DOCK1: variants seen among roughly 807,000 people sequenced by gnomAD.
The protein encoded by DOCK1 is dedicator of cytokinesis 1, also known as dedicator of cytokinesis protein 1.
Under a neutral mutation model 262.7 loss-of-function variants are expected in DOCK1, and 138 were observed. That is an observed-to-expected ratio of 0.53 (90% CI 0.46 to 0.61). The LOEUF (loss-of-function observed/expected upper bound fraction) is 0.61, where lower values mean the gene tolerates loss of function less well. Ranked by LOEUF, DOCK1 falls within the 20% of genes least tolerant of loss-of-function variation. DOCK1 has a pLI of 0.00. For synonymous variants in DOCK1, 866 were observed against 867.4 expected, an observed-to-expected ratio of 1.00 and a Z score of 0.03; for missense variants, 1,908 against 2,370.7, an observed-to-expected ratio of 0.80 and a Z score of 4.05.
At chr10:127,022,330 TTTTTA>T (rs1363268797) in intron 13 of DOCK1, among the ~76,000 whole-genome samples, 2 of 152,258 alleles carry the variant, frequency 1.3e-5, no homozygotes, top group East Asian at 1.9e-4. Context: ...TTTTTCTTTA[TTTTTA>T]TTTTATTTTA....
intron 25 of DOCK1, among the ~76,000 whole-genome samples, chr10:127,113,474 A>G (rs1461780544): frequency 6.6e-6 from 1 of 152,166 alleles, no homozygotes; most frequent in Non-Finnish European, 1.5e-5. Context: ...TCTCCGCCTG[A>G]TATAATGACA....
intron 2 of DOCK1, among the ~76,000 whole-genome samples, chr10:126,974,351 A>T (rs762779757): frequency 6.6e-6 from 1 of 151,438 alleles, no homozygotes; most frequent in Non-Finnish European, 1.5e-5. Context: ...AATTTATTCA[A>T]CTCTTTAAAA....
intron 23 of DOCK1, among the ~76,000 whole-genome samples, chr10:127,095,290 C>T (rs1190309652): frequency 2.6e-5 from 4 of 152,180 alleles, no homozygotes; most frequent in Non-Finnish European, 5.9e-5. Context: ...GTAGCCCTAT[C>T]CTGATGCCCT....
intron 1 of DOCK1, among the ~76,000 whole-genome samples, chr10:126,950,711 T>G (rs927091132): frequency 2.0e-5 from 3 of 152,154 alleles, no homozygotes; most frequent in Admixed American, 2.0e-4. Flanking sequence ...CTCCTGCTCT[T>G]TGCCTCAGAG....
chr10:127,186,507 G>GCC (rs1326283340), intron 27 of DOCK1, among the ~76,000 whole-genome samples: 473 of 5,902 alleles, frequency 0.08, 61 homozygotes, highest in African/African-American at 0.13. Flanking sequence ...GGGAGAAACC[G>GCC]CCCCCCCGCC....
chr10:127,318,300 G>A (rs1407826483), intron 29 of DOCK1, among the ~76,000 whole-genome samples: 4 of 152,216 alleles, frequency 2.6e-5, no homozygotes, highest in Non-Finnish European at 5.9e-5. Flanking sequence ...GAAGTTGGGG[G>A]TGGAGAGGAG....
intron 27 of DOCK1, among the ~76,000 whole-genome samples, chr10:127,179,371 TA>T (rs991061161): frequency 6.6e-6 from 1 of 152,298 alleles, no homozygotes; most frequent in Non-Finnish European, 1.5e-5. Flanking sequence ...TCGTTGTTAG[TA>T]AAAAAATGAT....
intron 51 of DOCK1, among the ~76,000 whole-genome samples, chr10:127,448,302 G>T (rs10765101): frequency 0.68 from 103,062 of 152,184 alleles, 36,940 homozygotes; most frequent in East Asian, 0.91. Flanking sequence ...AAAGTGCCTT[G>T]TGCCAAACAG....
chr10:127,102,764 C>T (rs1418123354), intron 23 of DOCK1, among the ~76,000 whole-genome samples: 3 of 152,078 alleles, frequency 2.0e-5, no homozygotes, highest in African/African-American at 7.2e-5. Context: ...CACGTGAACC[C>T]GGGGGGTGGA....
chr10:127,279,787 C>T lies in DOCK1; in HGVS notation c.3044+22358C>T, dbSNP rs1371224153. On this transcript the variant is annotated intron_variant, in intron 29 of 51. Coordinates refer to ENST00000623213, the MANE Select transcript of DOCK1 (RefSeq NM_001290223.2). The stretch of plus-strand genomic sequence containing the variant: ...GTTCAGTTCCCGAGGCTGGTGCCCT[C>T]GGCAAGAATGGGAGAGCCTGGTAAT... Among the ~76,000 whole-genome samples the T allele has an allele frequency of 2.6e-5, 4 of 152,094 alleles. No homozygotes were observed. In the South Asian group the frequency reaches 6.2e-4, roughly 24 times the overall value.
chr10:127,318,666 T>G (rs2062389466), intron 29 of DOCK1, among the ~76,000 whole-genome samples: 1 of 152,132 alleles, frequency 6.6e-6, no homozygotes, highest in Admixed American at 6.6e-5. Context: ...TGTAAGGTGT[T>G]TTGATTATGT....
chr10:127,208,791 T>C (rs1319690980), intron 27 of DOCK1, among the ~76,000 whole-genome samples: 1 of 152,214 alleles, frequency 6.6e-6, no homozygotes, highest in Admixed American at 6.5e-5. Flanking sequence ...ATATCTAACG[T>C]TGAGATGTTC....
At chr10:127,118,355 T>C (rs2049319446) in intron 25 of DOCK1, among the ~76,000 whole-genome samples, 1 of 152,214 alleles carries the variant, frequency 6.6e-6, no homozygotes, top group African/African-American at 2.4e-5. Flanking sequence ...TACTGATAAA[T>C]GGGACTCATT....
chr10:127,204,068 C>G (rs1477098534), intron 27 of DOCK1, among the ~76,000 whole-genome samples: 1 of 152,040 alleles, frequency 6.6e-6, no homozygotes, highest in East Asian at 1.9e-4. Context: ...TCTCGGCAGT[C>G]ACAGCTCCCT....
chr10:127,326,162 G>T (rs909728609), intron 29 of DOCK1, among the ~76,000 whole-genome samples: 2 of 152,202 alleles, frequency 1.3e-5, no homozygotes, highest in Non-Finnish European at 2.9e-5. Flanking sequence ...GTTGCTGAGG[G>T]CTGAGGTGGC....
intron 33 of DOCK1, among the ~76,000 whole-genome samples, chr10:127,368,756 G>A (rs1250530826): frequency 1.3e-5 from 2 of 151,884 alleles, no homozygotes; most frequent in East Asian, 1.9e-4. Context: ...CCCGTGGACC[G>A]CACTCCAAGT....
chr10:126,981,897 GTT>G lies in DOCK1; in HGVS notation c.172-12_172-11del, dbSNP rs150683957. The stretch of plus-strand genomic sequence containing the variant: ...AATCCTATTGATAATAAAAGCTACT[GTT>G]TTTTTTTTCCTCCCAAAGGGTATAT... On this transcript the variant is annotated intron_variant, in intron 3 of 51. Transcript: ENST00000623213. 7.1e-7 allele frequency: 1 copy of G among 1,410,838 alleles called. No individual in the cohort carries two copies. The highest frequency in any genetic ancestry group is 2.0e-5 in the Admixed American group (1 of 50,466). The allele number at this position is 1,410,838 out of a possible 1,614,324, so 87.4% of individuals were successfully genotyped here. A position where few individuals can be genotyped will look rare whatever the true frequency, so the allele number is the denominator to read the frequency against.
chr10:126,950,677 TG>T (rs1417948973), intron 1 of DOCK1, among the ~76,000 whole-genome samples: 1 of 152,028 alleles, frequency 6.6e-6, no homozygotes, highest in Non-Finnish European at 1.5e-5. Flanking sequence ...TGCCTGGAGG[TG>T]GGGCGGCAGC....
At chr10:127,093,432 A>C (rs73374772) in intron 23 of DOCK1, among the ~76,000 whole-genome samples, 9,145 of 150,722 alleles carry the variant, frequency 0.061, 734 homozygotes, top group African/African-American at 0.18. Flanking sequence ...GCTTACTGCA[A>C]ACCTCCACCT....
Sources: allele counts gnomAD v4.1 joint callset (sites outside exome capture counted in the v4.1 genomes callset), GRCh38; gene constraint gnomAD v4.1.1; transcripts MANE v1.5; gene names NCBI Gene and HGNC (gene_info 2026-07-23, HGNC 2026-07-21).